The following CAST variants were observed in gnomAD, a reference collection of about 807,000 sequenced individuals.
CAST encodes MIR583 host.
A neutral mutation model predicts 119.6 loss-of-function variants in CAST; 76 were observed. That is an observed-to-expected ratio of 0.64 (90% confidence interval 0.53 to 0.77). The LOEUF (loss-of-function observed/expected upper bound fraction) is 0.77. Ranked by LOEUF, CAST falls within the 30% of genes least tolerant of loss-of-function variation. The probability of loss-of-function intolerance (pLI) is 0.00; values close to 1 mark genes in which losing one functional copy is unlikely to be tolerated. For missense variants in CAST, 953 were observed against 946.5 expected, an observed-to-expected ratio of 1.01 and a Z score of -0.09; for synonymous variants, 319 against 331.6, an observed-to-expected ratio of 0.96 and a Z score of 0.41.
chr5:96,083,867 G>A, the CAST span, among the ~76,000 whole-genome samples: 10 of 152,258 alleles, frequency 6.6e-5, no homozygotes, highest in South Asian at 8.3e-4. Flanking sequence ...GTGGTGGTTC[G>A]GGGCACAGAC....
intron 1 of CAST, chr5:96,529,902 T>C: frequency 2.7e-6 from 1 of 365,338 alleles, no homozygotes; most frequent in South Asian, 2.1e-5. Flanking sequence ...AAACCTCTCT[T>C]ATTTATAAAT....
the CAST span, among the ~76,000 whole-genome samples, chr5:96,486,037 CA>C: frequency 2.6e-5 from 4 of 151,416 alleles, no homozygotes; most frequent in East Asian, 3.9e-4. Context: ...CAGAGAGGTC[CA>C]AAAAAAATAC....
the CAST span, among the ~76,000 whole-genome samples, chr5:96,051,232 GA>G: frequency 6.6e-6 from 1 of 152,128 alleles, no homozygotes; most frequent in Non-Finnish European, 1.5e-5. Flanking sequence ...GAGAGAGAGA[GA>G]GAAAATCAAG....
At chr5:96,062,342 TG>T in the CAST span, among the ~76,000 whole-genome samples, 2 of 152,238 alleles carry the variant, frequency 1.3e-5, no homozygotes, top group East Asian at 3.9e-4. Flanking sequence ...CTTGTGAGGA[TG>T]GGGTGTAAGT....
At chr5:96,606,170 C>CA (rs1226116399) in intron 1 of CAST, among the ~76,000 whole-genome samples, 196 of 146,302 alleles carry the variant, frequency 1.3e-3, no homozygotes, top group African/African-American at 2.6e-3. Flanking sequence ...ACAACAACAA[C>CA]AAAAAAAAAA....
intron 2 of CAST, among the ~76,000 whole-genome samples, chr5:96,681,650 G>T (rs1466966272): frequency 6.8e-6 from 1 of 147,940 alleles, no homozygotes; most frequent in Non-Finnish European, 1.5e-5. Flanking sequence ...GGAGAATGGC[G>T]TGAACCCGGG....
chr5:96,647,525 A>G (rs555816895), intron 1 of CAST, among the ~76,000 whole-genome samples: 2 of 152,138 alleles, frequency 1.3e-5, no homozygotes, highest in African/African-American at 2.4e-5. Flanking sequence ...TGTCCCCCCA[A>G]AATGAATATG....
At chr5:95,988,283 A>G in the CAST span, among the ~76,000 whole-genome samples, 1 of 152,146 alleles carries the variant, frequency 6.6e-6, no homozygotes, top group Non-Finnish European at 1.5e-5. Flanking sequence ...TACACTTACC[A>G]TTTAATCCAT....
chr5:96,350,249 G>A, the CAST span, among the ~76,000 whole-genome samples: 1 of 151,938 alleles, frequency 6.6e-6, no homozygotes, highest in Admixed American at 6.6e-5. Flanking sequence ...GTGTAGATAA[G>A]AGACAAACAG....
the CAST span, among the ~76,000 whole-genome samples, chr5:96,315,701 T>C: frequency 6.6e-6 from 1 of 152,226 alleles, no homozygotes; most frequent in Non-Finnish European, 1.5e-5. Context: ...GTAACTGCTT[T>C]GACCAATGGA....
At chr5:96,467,242 T>C in the CAST span, among the ~76,000 whole-genome samples, 80,697 of 151,752 alleles carry the variant, frequency 0.53, 23,216 homozygotes, top group African/African-American at 0.77. Context: ...AGTCCTTGGT[T>C]TGTGATATAT....
the CAST span, among the ~76,000 whole-genome samples, chr5:96,143,684 A>G: frequency 6.6e-6 from 1 of 152,174 alleles, no homozygotes; most frequent in Non-Finnish European, 1.5e-5. Flanking sequence ...CAACTCTATA[A>G]ACCTCAGATT....
At chr5:96,704,447 A>T (rs746018986) in intron 3 of CAST, among the ~76,000 whole-genome samples, 1 of 152,246 alleles carries the variant, frequency 6.6e-6, no homozygotes, top group Non-Finnish European at 1.5e-5. Flanking sequence ...TTTTCTTTTC[A>T]TTTGAATAAC....
the CAST span, among the ~76,000 whole-genome samples, chr5:96,025,748 G>T: frequency 1.3e-5 from 2 of 152,210 alleles, no homozygotes; most frequent in African/African-American, 4.8e-5. Flanking sequence ...GGGCTGTCAA[G>T]GAAGGCTTTT....
intron 1 of CAST, among the ~76,000 whole-genome samples, chr5:96,566,726 C>T (rs1038470381): frequency 1.3e-5 from 2 of 152,214 alleles, no homozygotes; most frequent in Admixed American, 1.3e-4. Flanking sequence ...ACAAACTACA[C>T]ATGACCCCTT....
chr5:96,550,923 G>T (rs1452881344), intron 1 of CAST, among the ~76,000 whole-genome samples: 1 of 152,228 alleles, frequency 6.6e-6, no homozygotes, highest in East Asian at 1.9e-4. Flanking sequence ...TATGTGAAAA[G>T]ACCAAATTTA....
intron 1 of CAST, among the ~76,000 whole-genome samples, chr5:96,641,054 G>A (rs1747943669): frequency 6.6e-6 from 1 of 152,054 alleles, no homozygotes; most frequent in Admixed American, 6.5e-5. Flanking sequence ...CAGAATATTA[G>A]GTTTGAAAAT....
the CAST span, among the ~76,000 whole-genome samples, chr5:96,107,054 T>C: frequency 6.9e-6 from 1 of 144,228 alleles, no homozygotes; most frequent in South Asian, 2.5e-4. Flanking sequence ...ACCCCTGCCT[T>C]TTTTTGTTTT....
the CAST span, among the ~76,000 whole-genome samples, chr5:96,078,409 T>C: frequency 1.3e-5 from 2 of 152,114 alleles, no homozygotes; most frequent in Non-Finnish European, 2.9e-5. Flanking sequence ...TTTTTTTTTT[T>C]TTAGACGGAG....
Sources: gnomAD v4.1 joint callset for allele counts (sites outside exome capture counted in the v4.1 genomes callset) on GRCh38, gnomAD v4.1.1 for gene constraint, MANE v1.5 for transcripts, NCBI Gene and HGNC (gene_info 2026-07-23, HGNC 2026-07-21) for gene names.